SLC17A9: variants seen among roughly 807,000 people sequenced by gnomAD.
SLC17A9 encodes voltage-gated purine nucleotide uniporter SLC17A9.
A neutral mutation model predicts 55.0 loss-of-function variants in SLC17A9; 49 were observed. The observed-to-expected ratio is 0.89, with a 90% CI of 0.71 to 1.13. SLC17A9 has a LOEUF of 1.13. Ranked by LOEUF, SLC17A9 falls within the 50% of genes most tolerant of loss-of-function variation. The probability of loss-of-function intolerance (pLI) is 0.00; values close to 1 mark genes in which losing one functional copy is unlikely to be tolerated. For synonymous variants in SLC17A9, 256 were observed against 247.4 expected (o/e 1.03, Z -0.32); for missense variants, 526 against 569.3 (o/e 0.92, Z 0.77).
chr20:62,964,013 G>T (rs975246012), intron 7 of SLC17A9: 2 of 618,156 alleles, frequency 3.2e-6, no homozygotes, highest in African/African-American at 3.7e-5. Context: ...GGACAGAGGG[G>T]TCACCTGCGG....
chr20:62,965,293 T>C, intron 9 of SLC17A9, 127 bp downstream of exon 9: 1 of 1,240,626 alleles, frequency 8.1e-7, no homozygotes, highest in Non-Finnish European at 1.2e-6. Flanking sequence ...CCTCTCCATG[T>C]GTCCAGCACT....
At chr20:62,952,910 G>A (rs1307274588) in intron 1 of SLC17A9, 21 bp downstream of exon 1, 3 of 1,423,356 alleles carry the variant, frequency 2.1e-6, no homozygotes, top group African/African-American at 1.4e-5. Context: ...GGTGAGGGGA[G>A]GGGGGGTGGG....
At chr20:62,957,158 G>C (rs1228482069) in intron 2 of SLC17A9, 196 bp downstream of exon 2, 2 of 980,308 alleles carry the variant, frequency 2.0e-6, no homozygotes, top group Non-Finnish European at 1.2e-6. Context: ...GAAGGAGCTT[G>C]GTGGATAAAT....
Position 62,962,761 on chromosome 20 carries a change from C to A in SLC17A9, c.628+7C>A. The A allele has an allele frequency of 6.2e-7, 1 of 1,613,502 alleles. No individual in the cohort carries two copies. The highest frequency in any genetic ancestry group is 8.5e-7 in the Non-Finnish European group (1 of 1,179,642). On this transcript the variant is annotated splice_region_variant and intron_variant, in intron 5 of 12. Coordinates refer to ENST00000370351, the MANE Select transcript of SLC17A9 (RefSeq NM_022082.4). The surrounding 1 kb of genome is among the most constrained non-coding windows in gnomAD (Gnocchi z 5.5). ...TACCTGCTGAGTGAAAAAGGTAACGCAGGCCGGGCGGGCTAGTCCCGGGCG... is the reference window on the plus strand; with the variant it reads ...TACCTGCTGAGTGAAAAAGGTAACGAAGGCCGGGCGGGCTAGTCCCGGGCG...
chr20:62,957,368 G>A, intron 2 of SLC17A9, 73 bp from the exon 3 acceptor site: 2 of 1,516,082 alleles, frequency 1.3e-6, no homozygotes, highest in Non-Finnish European at 8.8e-7. Flanking sequence ...CCACTCAAGG[G>A]CTGCCCTGAG....
rs750811581 is a variant in SLC17A9 at position 62,956,849 on chromosome 20, C to G, written c.144C>G (p.Thr48=). ...CCCGCTCCAGCATGCCCATCTGCAC[C>G]GTCTCCATGAGCCAGGACTTCGGCT... ...YCARSSMPIC[T]VSMSQDFGWN... The change falls in exon 2 of 13, where the codon ACC becomes ACG. Residue 48 remains threonine, a synonymous_variant. Transcript: ENST00000370351. The G allele has an allele frequency of 7.4e-6, 12 of 1,613,478 alleles. No individual in the cohort carries two copies. Among genetic ancestry groups the G allele is most frequent in the Non-Finnish European group, 1.0e-5 (12 of 1,180,016 alleles).
Position 62,963,280 on chromosome 20 carries a change from C to T in SLC17A9, c.636C>T (p.Ile212=). The part of the protein sequence containing the change: ...YRYLLSEKDL[I]LALGVLAQSR... ...AAACCGTTGCTCCCTCAGATCTCATCCTGGCCTTGGGTGTCCTGGCCCAAA... is the reference window on the plus strand; with the variant it reads ...AAACCGTTGCTCCCTCAGATCTCATTCTGGCCTTGGGTGTCCTGGCCCAAA... The change falls in exon 6 of 13, where the codon ATC becomes ATT. Residue 212 remains isoleucine, a synonymous_variant. Coordinates refer to ENST00000370351, the MANE Select transcript of SLC17A9 (RefSeq NM_022082.4). The T allele has an allele frequency of 6.2e-7, 1 of 1,613,568 alleles. No homozygotes were observed. The highest frequency in any genetic ancestry group is 2.2e-5 in the East Asian group (1 of 44,880).
chr20:62,957,510 G>A lies in SLC17A9; in HGVS notation c.327G>A (p.Leu109=). ...GCTCCATCACGGCCGTCACCCCACT[G>A]CTCGCCCACCTGAGCAGTGCCCACC... is the stretch of plus-strand genomic sequence containing the variant. ...AWGSITAVTP[L]LAHLSSAHLA... The change falls in exon 3 of 13, where the codon CTG becomes CTA. Residue 109 remains leucine, a synonymous_variant. Transcript: ENST00000370351. 2.5e-6 allele frequency: 4 copies of A among 1,610,076 alleles called. No individual in the cohort carries two copies. The highest frequency in any genetic ancestry group is 3.4e-6 in the Non-Finnish European group (4 of 1,178,822).
Position 62,967,361 on chromosome 20 carries a change from G to C in SLC17A9, c.1172G>C (p.Gly391Ala). Residue 391 changes from glycine (G) to alanine (A), a missense_variant, in exon 13 of 13, where the codon GGC (glycine) becomes GCC (alanine). By Grantham distance (60) the Gly-to-Ala change is moderately conservative (BLOSUM62 0). Coordinates refer to ENST00000370351, the MANE Select transcript of SLC17A9 (RefSeq NM_022082.4). ...GGTGTCGTGGGTGTGTGTCTAGGCGGCTACTTGATGGAGACCACGGGCTCC... is the reference window on the plus strand; with the variant it reads ...GGTGTCGTGGGTGTGTGTCTAGGCGCCTACTTGATGGAGACCACGGGCTCC... ...LAGVVGVCLG[G>A]YLMETTGSWT... 15 of 1,614,072 alleles carry C rather than the reference G, an allele frequency of 9.3e-6. No homozygotes were observed. The highest frequency in any genetic ancestry group is 1.2e-5 in the Non-Finnish European group (14 of 1,180,002).
chr20:62,963,192 AC>A, intron 5 of SLC17A9, 80 bp from the exon 6 acceptor site: 2 of 1,460,932 alleles, frequency 1.4e-6, no homozygotes, highest in South Asian at 1.2e-5. Flanking sequence ...CTCTGGAACC[AC>A]CCCCAAATCC....
intron 1 of SLC17A9, among the ~76,000 whole-genome samples, chr20:62,954,659 C>A (rs2065520816): frequency 6.6e-6 from 1 of 152,228 alleles, no homozygotes; most frequent in Non-Finnish European, 1.5e-5. Flanking sequence ...GCCATCCTCT[C>A]CAGCCTGACA....
chr20:62,957,676 T>C, intron 3 of SLC17A9, 96 bp downstream of exon 3: 1 of 1,104,036 alleles, frequency 9.1e-7, no homozygotes, highest in Non-Finnish European at 1.2e-6. Context: ...CATGCGTGCA[T>C]GCAGGTGGTG....
At chr20:62,955,837 G>A (rs1490721545) in intron 1 of SLC17A9, among the ~76,000 whole-genome samples, 3 of 152,256 alleles carry the variant, frequency 2.0e-5, no homozygotes, top group African/African-American at 4.8e-5. Flanking sequence ...AGTGAGGACT[G>A]TGTCCTTCTG....
chr20:62,953,113 CTA>C, intron 1 of SLC17A9: 6 of 1,437,484 alleles, frequency 4.2e-6, no homozygotes, highest in Non-Finnish European at 5.7e-6. Context: ...GGCAAGTGCC[CTA>C]TCCCAGCCAG....
chr20:62,963,349 C>T lies in SLC17A9; in HGVS notation c.705C>T (p.Leu235=). ...ACAACAGAGTCCCCTGGAGACGGCT[C>T]TTCCGGAAGCCTGCTGTCTGGTGAG... ...SRHNRVPWRR[L]FRKPAVWAAV... Residue 235 remains leucine, a synonymous_variant, in exon 6 of 13, where the codon CTC becomes CTT. Transcript: ENST00000370351. 6.2e-7 allele frequency: 1 copy of T among 1,613,636 alleles called. No homozygotes were observed. The highest frequency in any genetic ancestry group is 8.5e-7 in the Non-Finnish European group (1 of 1,179,982).
chr20:62,957,991 C>T (rs998885124), intron 3 of SLC17A9, among the ~76,000 whole-genome samples: 9 of 152,098 alleles, frequency 5.9e-5, no homozygotes, highest in Admixed American at 3.3e-4. Context: ...TGTGCGTGTG[C>T]GTACGTATGT....
chr20:62,962,546 G>A lies in SLC17A9; in HGVS notation c.498-78G>A. 1 of 1,549,414 alleles carries A rather than the reference G, an allele frequency of 6.5e-7. No individual in the cohort carries two copies. Among genetic ancestry groups the A allele is most frequent in the East Asian group, 2.3e-5 (1 of 44,012 alleles). ...TCTCCAGGGGCTCAGCCTGCACCAG[G>A]GTGGGGTTTCTGAGAGGCCCCTCCT... On this transcript the variant is annotated intron_variant, in intron 4 of 12. Coordinates refer to ENST00000370351, the MANE Select transcript of SLC17A9 (RefSeq NM_022082.4). The surrounding 1 kb of genome is among the most constrained non-coding windows in gnomAD (Gnocchi z 5.5).
At chr20:62,963,702 G>A (rs757567738) in intron 7 of SLC17A9, 22 bp downstream of exon 7, 100 of 1,562,196 alleles carry the variant, frequency 6.4e-5, no homozygotes, top group Non-Finnish European at 7.9e-5. Context: ...GCTCCCGCAG[G>A]GTGAAGGAGC....
In SLC17A9 at chr20:62,962,699, C is replaced by T. The variant is rs767706556; in HGVS notation, c.573C>T (p.Gly191=). The part of the protein sequence containing the change: ...YGWQSIFYFS[G]GLTLLWVWYV... ...GGCAGAGCATCTTCTATTTCTCCGG[C>T]GGCCTCACCTTGCTTTGGGTGTGGT... is the stretch of plus-strand genomic sequence containing the variant. Residue 191 remains glycine (G), a synonymous_variant, in exon 5 of 13, where the codon GGC becomes GGT. Coordinates refer to ENST00000370351, the MANE Select transcript of SLC17A9 (RefSeq NM_022082.4). The surrounding 1 kb of genome is among the most constrained non-coding windows in gnomAD (Gnocchi z 5.5). 5.0e-6 allele frequency: 8 copies of T among 1,613,918 alleles called. No individual in the cohort carries two copies. Among genetic ancestry groups the T allele is most frequent in the East Asian group, 4.5e-5 (2 of 44,890 alleles).
Sources: gnomAD v4.1 joint callset for allele counts (sites outside exome capture counted in the v4.1 genomes callset) on GRCh38, gnomAD v4.1.1 for gene constraint, Gnocchi (gnomAD v3.1) non-coding constraint, MANE v1.5 for transcripts, NCBI Gene and HGNC (gene_info 2026-07-23, HGNC 2026-07-21) for gene names.